The following CHN2 variants were observed in gnomAD, a reference collection of about 807,000 sequenced individuals.
The protein encoded by CHN2 is beta-chimaerin.
A neutral mutation model predicts 56.3 loss-of-function variants in CHN2; 35 were observed. The observed-to-expected ratio is 0.62, with a 90% confidence interval of 0.47 to 0.82. The LOEUF is 0.82. Among genes scored for constraint, CHN2 ranks in the 40% least tolerant of loss-of-function variants. The pLI, the probability that CHN2 is intolerant of heterozygous loss-of-function variation, is 0.00. For missense variants in CHN2, 491 were observed against 580.5 expected, an observed-to-expected ratio of 0.85 and a Z score of 1.58; for synonymous variants, 210 against 212.8, an observed-to-expected ratio of 0.99 and a Z score of 0.12.
chr7:29,486,633 CTACTTACTCT>C (rs1788038523), intron 7 of CHN2, among the ~76,000 whole-genome samples: 2 of 152,074 alleles, frequency 1.3e-5, no homozygotes, highest in Admixed American at 1.3e-4. Context: ...AATGGTTGCC[CTACTTACTCT>C]TATATGTCCC....
intron 1 of CHN2, among the ~76,000 whole-genome samples, chr7:29,321,639 C>T (rs547757390): frequency 2.3e-4 from 34 of 147,796 alleles, no homozygotes; most frequent in African/African-American, 7.5e-4. Context: ...GGCACAATCT[C>T]GGCTCACCAC....
intron 8 of CHN2, 120 bp downstream of exon 8, chr7:29,496,156 G>C (rs1789257735): frequency 1.4e-6 from 1 of 697,738 alleles, no homozygotes; most frequent in Non-Finnish European, 2.3e-6. Context: ...CCTTCTGCAG[G>C]GTTCAAGGCC....
intron 1 of CHN2, among the ~76,000 whole-genome samples, chr7:29,201,063 G>C (rs1784124424): frequency 6.6e-6 from 1 of 152,138 alleles, no homozygotes; most frequent in African/African-American, 2.4e-5. Context: ...GCATTCCTTT[G>C]CTTCAACAGT....
chr7:29,321,776 G>T (rs187273555), intron 1 of CHN2, among the ~76,000 whole-genome samples: 1 of 151,888 alleles, frequency 6.6e-6, no homozygotes, highest in Non-Finnish European at 1.5e-5. Context: ...CTCCATGTTG[G>T]TCAGGCTGGT....
chr7:29,413,644 G>C (rs1803455456), intron 6 of CHN2, among the ~76,000 whole-genome samples: 1 of 152,068 alleles, frequency 6.6e-6, no homozygotes. Context: ...AAGAAACCCG[G>C]GGCTTGGGAA....
chr7:29,460,293 A>C (rs1785067910), intron 6 of CHN2, among the ~76,000 whole-genome samples: 1 of 152,170 alleles, frequency 6.6e-6, no homozygotes, highest in East Asian at 1.9e-4. Context: ...TAAGAGGGCA[A>C]GGGCAAACCC....
intron 1 of CHN2, among the ~76,000 whole-genome samples, chr7:29,201,984 A>G (rs1040696858): frequency 6.6e-6 from 1 of 152,222 alleles, no homozygotes; most frequent in East Asian, 1.9e-4. Context: ...GAAAATGTTT[A>G]TAAACTCTGT....
rs368239468 is a variant in CHN2 at position 29,194,936 on chromosome 7, G to A, written c.-6G>A. On this transcript the variant is annotated 5_prime_UTR_variant, in exon 1 of 13. Coordinates refer to ENST00000222792, the MANE Select transcript of CHN2 (RefSeq NM_004067.4). ...GAGCGAGCAGCGACGCGAGGGGCGCGCGGAGATGGCAGCGTCCAGCAACTC... is the reference window on the plus strand; with the variant it reads ...GAGCGAGCAGCGACGCGAGGGGCGCACGGAGATGGCAGCGTCCAGCAACTC... 3.2e-4 allele frequency: 504 copies of A among 1,566,798 alleles called. 1 individual carries two copies. The highest frequency in any genetic ancestry group is 3.6e-4 in the Non-Finnish European group (422 of 1,160,556).
chr7:29,348,524 GT>G (rs1249866680), intron 1 of CHN2, among the ~76,000 whole-genome samples: 1 of 152,064 alleles, frequency 6.6e-6, no homozygotes, highest in Non-Finnish European at 1.5e-5. Flanking sequence ...GGAGACACCT[GT>G]TTCCCAGCCT....
In CHN2 at chr7:29,441,569, G is replaced by A. The variant is rs762056299; in HGVS notation, c.577-38710G>A. On this transcript the variant is annotated intron_variant, in intron 6 of 12. Coordinates refer to ENST00000222792, the MANE Select transcript of CHN2 (RefSeq NM_004067.4). ...ACTTGAAAATCATATATCTGATAAG[G>A]CTGTTATATTTCAACAACCAAAAGA... Among the ~76,000 whole-genome samples the A allele has an allele frequency of 1.7e-4, 26 of 152,132 alleles. 1 individual carries two copies. The highest frequency in any genetic ancestry group is 1.2e-3 in the South Asian group (6 of 4,830).
intron 3 of CHN2, among the ~76,000 whole-genome samples, chr7:29,370,990 T>A (rs190772508): frequency 1.3e-5 from 2 of 152,290 alleles, no homozygotes; most frequent in East Asian, 3.9e-4. Flanking sequence ...ACTTACTCTC[T>A]CAGGGAGATT....
chr7:29,509,501 T>C, intron 12 of CHN2, 95 bp downstream of exon 12: 1 of 958,006 alleles, frequency 1.0e-6, no homozygotes, highest in East Asian at 2.5e-5. Context: ...CCATAACTGC[T>C]GGAGTTTCAC....
chr7:29,293,112 C>T lies in CHN2; in HGVS notation c.50-61513C>T, dbSNP rs115780760. 534 of 427,336 alleles carry T rather than the reference C, an allele frequency of 1.2e-3. 2 individuals carry two copies. Among genetic ancestry groups the T allele is most frequent in the African/African-American group, 9.8e-3 (485 of 49,588 alleles). 26.5% of individuals were successfully genotyped at this position (427,336 alleles called of 1,614,324 possible). A position where few individuals can be genotyped will look rare whatever the true frequency, so the allele number is the denominator to read the frequency against. ...GGAGAGAGTCTGGATTGGCAGCACT[C>T]GTTTGCAGCTACCAATCTCAAGGCC... On this transcript the variant is annotated intron_variant, in intron 1 of 12. Transcript: ENST00000222792.
At chr7:29,184,444 C>T (rs1486661789) in intron 2 of CHN2, 1 of 152,066 alleles carries the variant, frequency 6.6e-6, no homozygotes, top group East Asian at 1.9e-4. Flanking sequence ...AGTCCCAGAT[C>T]TGCAGGATGA....
At chr7:29,174,666 G>T (rs1246296676) in intron 2 of CHN2, among the ~76,000 whole-genome samples, 1 of 152,142 alleles carries the variant, frequency 6.6e-6, no homozygotes, top group East Asian at 1.9e-4. Flanking sequence ...TTCGAGATCA[G>T]CCTGGCCAAC....
At chr7:29,354,574 C>G (rs1798138744) in intron 1 of CHN2, 51 bp from the exon 2 acceptor site, 2 of 1,531,732 alleles carry the variant, frequency 1.3e-6, no homozygotes, top group Non-Finnish European at 1.8e-6. Flanking sequence ...CACATGTTGA[C>G]AGCTTGACGT....
intron 2 of CHN2, among the ~76,000 whole-genome samples, chr7:29,172,649 CT>C (rs551337528): frequency 2.0e-5 from 3 of 152,174 alleles, no homozygotes; most frequent in East Asian, 1.9e-4. Context: ...TAACAGATTC[CT>C]TTTTTTAAAT....
rs528486820 is a variant in CHN2, at chr7:29,205,220, G to A, written c.49+10230G>A. Among the ~76,000 whole-genome samples the A allele has an allele frequency of 1.6e-3, 238 of 152,268 alleles. 1 individual carries two copies. The highest frequency in any genetic ancestry group is 3.0e-3 in the Non-Finnish European group (203 of 68,018). ...GTTTCAGCCATTTTCTACCTATAGAGCGAATTGGTGTTTCTTCCTATTGCT... is the reference window on the plus strand; with the variant it reads ...GTTTCAGCCATTTTCTACCTATAGAACGAATTGGTGTTTCTTCCTATTGCT... On this transcript the variant is annotated intron_variant, in intron 1 of 12. Coordinates refer to ENST00000222792, the MANE Select transcript of CHN2 (RefSeq NM_004067.4).
intron 1 of CHN2, chr7:29,213,056 A>T (rs1182022600): frequency 6.2e-7 from 1 of 1,607,782 alleles, no homozygotes; most frequent in African/African-American, 1.3e-5. Flanking sequence ...TCCTGCATGC[A>T]GTTCCAGCCA....
Sources: gnomAD v4.1 joint callset for allele counts (sites outside exome capture counted in the v4.1 genomes callset) on GRCh38, gnomAD v4.1.1 for gene constraint, MANE v1.5 for transcripts, NCBI Gene and HGNC (gene_info 2026-07-23, HGNC 2026-07-21) for gene names.